The following SLC1A1 variants were observed in gnomAD, a reference collection of about 807,000 sequenced individuals.
SLC1A1 encodes the protein solute carrier family 1 member 1.
Under a neutral mutation model 53.3 loss-of-function variants are expected in SLC1A1, and 43 were observed. The observed-to-expected ratio is 0.81, with a 90% CI of 0.63 to 1.04. The LOEUF (loss-of-function observed/expected upper bound fraction) is 1.04. SLC1A1 is among the 50% of genes least tolerant of loss of function. The pLI is 0.00. For synonymous variants in SLC1A1, 307 were observed against 243.2 expected, an observed-to-expected ratio of 1.26 and a Z score of -2.44; for missense variants, 748 against 664.9, an observed-to-expected ratio of 1.12 and a Z score of -1.37.
chr9:4,537,866 T>C (rs901335714), intron 1 of SLC1A1, among the ~76,000 whole-genome samples: 23 of 152,158 alleles, frequency 1.5e-4, no homozygotes, highest in Non-Finnish European at 1.9e-4. Context: ...TACAACATTG[T>C]ATGTTAAAAA....
chr9:4,490,547 C>A lies in SLC1A1; in HGVS notation c.-133C>A. The A allele has an allele frequency of 1.9e-6, 1 of 527,660 alleles. No homozygotes were observed. Among genetic ancestry groups the A allele is most frequent in the Non-Finnish European group, 3.2e-6 (1 of 312,916 alleles). The allele number at this position is 527,660 out of a possible 1,614,324, so 32.7% of individuals were successfully genotyped here. ...GCGGCAACGGCGGTGGTGACGGCGG[C>A]GACTGCAGCGGCCGGCTCTCACCTC... On this transcript the variant is annotated 5_prime_UTR_variant, in exon 1 of 12. Coordinates refer to ENST00000262352, the MANE Select transcript of SLC1A1 (RefSeq NM_004170.6).
At chr9:4,566,204 G>A (rs1420581045) in intron 5 of SLC1A1, 115 bp downstream of exon 5, 1 of 951,510 alleles carries the variant, frequency 1.1e-6, no homozygotes, top group African/African-American at 1.6e-5. Context: ...ATGGCAGCAG[G>A]AAGTAAACCT....
chr9:4,563,621 G>C (rs908801830), intron 3 of SLC1A1, among the ~76,000 whole-genome samples: 2 of 152,104 alleles, frequency 1.3e-5, no homozygotes, highest in African/African-American at 4.8e-5. Flanking sequence ...CTTCCCTCCA[G>C]TCAAACACCC....
In SLC1A1 at chr9:4,490,716, C is replaced by G. The variant is rs201514288; in HGVS notation, c.37C>G (p.Arg13Gly). The G allele has an allele frequency of 2.5e-6, 4 of 1,612,834 alleles. No individual in the cohort carries two copies. The highest frequency in any genetic ancestry group is 3.4e-6 in the Non-Finnish European group (4 of 1,179,100). The change falls in exon 1 of 12, where the codon CGC becomes GGC. Residue 13 changes from arginine (R) to glycine (G), a missense_variant. Coordinates refer to ENST00000262352, the MANE Select transcript of SLC1A1 (RefSeq NM_004170.6). Reference sequence around the variant, plus strand: ...GGCGAGGAAAGGATGCGAGTGGAAGCGCTTCCTGAAGAATAACTGGGTGTT... The same window carrying G: ...GGCGAGGAAAGGATGCGAGTGGAAGGGCTTCCTGAAGAATAACTGGGTGTT... ...KPARKGCEWKRFLKNNWVLLS... is the reference protein window; with the variant it reads ...KPARKGCEWKGFLKNNWVLLS...
At chr9:4,495,963 T>A (rs1216955406) in intron 1 of SLC1A1, among the ~76,000 whole-genome samples, 1 of 151,840 alleles carries the variant, frequency 6.6e-6, no homozygotes, top group Non-Finnish European at 1.5e-5. Flanking sequence ...GGTGTTTGGG[T>A]AAAGGTAGGC....
intron 2 of SLC1A1, among the ~76,000 whole-genome samples, chr9:4,559,571 G>A (rs540201260): frequency 1.3e-5 from 2 of 152,106 alleles, no homozygotes; most frequent in Non-Finnish European, 2.9e-5. Flanking sequence ...AGGCCTTTTA[G>A]TGTGGGAAAT....
intron 1 of SLC1A1, among the ~76,000 whole-genome samples, chr9:4,535,924 A>G (rs1034547370): frequency 2.0e-5 from 3 of 152,198 alleles, no homozygotes; most frequent in Non-Finnish European, 4.4e-5. Flanking sequence ...GACAAACCTG[A>G]CAAAAACAAG....
At chr9:4,574,943 C>T (rs1040294358) in intron 8 of SLC1A1, among the ~76,000 whole-genome samples, 8 of 152,142 alleles carry the variant, frequency 5.3e-5, no homozygotes, top group East Asian at 1.9e-4. Flanking sequence ...AGGCCCCTGG[C>T]GCTAAGGGAG....
chr9:4,514,331 G>A (rs962703830), intron 1 of SLC1A1, among the ~76,000 whole-genome samples: 1 of 152,126 alleles, frequency 6.6e-6, no homozygotes, highest in Non-Finnish European at 1.5e-5. Context: ...GCAAAACCTT[G>A]AGTGGCCTGA....
chr9:4,520,234 G>A (rs1564004891), intron 1 of SLC1A1, among the ~76,000 whole-genome samples: 1 of 152,150 alleles, frequency 6.6e-6, no homozygotes, highest in African/African-American at 2.4e-5. Flanking sequence ...ATCCTGCCAA[G>A]TGGAAGTTTG....
At chr9:4,498,586 C>T (rs72687843) in intron 1 of SLC1A1, among the ~76,000 whole-genome samples, 5,128 of 151,716 alleles carry the variant, frequency 0.034, 136 homozygotes, top group South Asian at 0.06. Flanking sequence ...CTTTTGCTTT[C>T]AATGAGGAAT....
At position 4,490,613 on chromosome 9, in the gene SLC1A1, A is replaced by G. The variant is rs1433935079; in HGVS notation, c.-67A>G. On this transcript the variant is annotated 5_prime_UTR_variant, in exon 1 of 12. Coordinates refer to ENST00000262352, the MANE Select transcript of SLC1A1 (RefSeq NM_004170.6). ...CATCTCGCCGCGCCGCCGAGCAGCC[A>G]GCAGTCCCCGGGTCGCCCAGCCCAC... is the stretch of plus-strand genomic sequence containing the variant. 1.1e-5 allele frequency: 14 copies of G among 1,314,264 alleles called. No homozygotes were observed. The Admixed American group carries it at 2.4e-4, about 22-fold the overall frequency. 81.4% of individuals were successfully genotyped at this position (1,314,264 alleles called of 1,614,324 possible). A position where few individuals can be genotyped will look rare whatever the true frequency, so the allele number is the denominator to read the frequency against.
At chr9:4,558,600 G>C (rs779394428) in intron 2 of SLC1A1, among the ~76,000 whole-genome samples, 9 of 152,186 alleles carry the variant, frequency 5.9e-5, no homozygotes, top group Non-Finnish European at 1.3e-4. Flanking sequence ...CTGAGTCCTG[G>C]AGTACAAGCA....
chr9:4,501,492 A>G (rs7023050), intron 1 of SLC1A1, among the ~76,000 whole-genome samples: 108,809 of 151,432 alleles, frequency 0.72, 39,631 homozygotes, highest in East Asian at 0.82. Context: ...TTGGCCAGGT[A>G]CGGTGCTCAC....
chr9:4,543,397 T>C (rs1395913121), intron 1 of SLC1A1, among the ~76,000 whole-genome samples: 2 of 152,174 alleles, frequency 1.3e-5, no homozygotes, highest in Non-Finnish European at 2.9e-5. Flanking sequence ...AGTGTGTATA[T>C]TGGGAGAAGG....
chr9:4,498,512 C>A (rs72687842), intron 1 of SLC1A1, among the ~76,000 whole-genome samples: 2,575 of 149,546 alleles, frequency 0.017, 36 homozygotes, highest in Non-Finnish European at 0.025. Context: ...GTGATTTCCA[C>A]AACAATAATC....
intron 1 of SLC1A1, among the ~76,000 whole-genome samples, chr9:4,509,720 C>T (rs1820932823): frequency 6.6e-6 from 1 of 152,128 alleles, no homozygotes. Flanking sequence ...AATCGGAGGG[C>T]AAATGGAGAG....
intron 1 of SLC1A1, among the ~76,000 whole-genome samples, chr9:4,518,920 C>CTTTA (rs1815961302): frequency 6.6e-6 from 1 of 152,188 alleles, no homozygotes. Context: ...AGAGGCTGTC[C>CTTTA]TTTATGCTCC....
At chr9:4,572,965 C>G (rs1820198151) in intron 7 of SLC1A1, among the ~76,000 whole-genome samples, 3 of 152,222 alleles carry the variant, frequency 2.0e-5, no homozygotes, top group Admixed American at 2.0e-4. Flanking sequence ...TTGCACTCAA[C>G]CAGCCTTCGT....
Sources: gnomAD v4.1 joint callset for allele counts (sites outside exome capture counted in the v4.1 genomes callset) on GRCh38, gnomAD v4.1.1 for gene constraint, MANE v1.5 for transcripts, NCBI Gene and HGNC (gene_info 2026-07-23, HGNC 2026-07-21) for gene names.